Variants in HERC3 observed in about 807,000 individuals in gnomAD.
HERC3 encodes the protein probable E3 ubiquitin-protein ligase HERC3.
In HERC3, 58 loss-of-function variants were observed where a neutral mutation model predicts 129.9. The ratio of observed to expected loss-of-function variants is 0.45; its 90% CI spans 0.36 to 0.56. The LOEUF (loss-of-function observed/expected upper bound fraction) is 0.56, where lower values mean the gene tolerates loss of function less well. Among genes scored for constraint, HERC3 ranks in the 20% least tolerant of loss-of-function variants. HERC3 has a pLI of 0.00. For synonymous variants in HERC3, 430 were observed against 451.0 expected (o/e 0.95, Z 0.59); for missense variants, 835 against 1,244.2 (o/e 0.67, Z 4.95).
the HERC3 span, among the ~76,000 whole-genome samples, chr4:88,576,272 T>G: frequency 1.3e-5 from 2 of 152,208 alleles, no homozygotes; most frequent in African/African-American, 4.8e-5. Flanking sequence ...CCTTCCACCC[T>G]TGCCGTCTTT....
chr4:88,697,323 G>A lies in HERC3; in HGVS notation c.2658-6775G>A, dbSNP rs1455197101. ...CTTCCCCCTCCTCCTCGTCATCCTC[G>A]TACTCCTCTTCCTCCTCCTCCTCCC... On this transcript the variant is annotated intron_variant, in intron 23 of 25. Transcript: ENST00000402738. The A allele has an allele frequency of 3.1e-6, 5 of 1,612,080 alleles. No homozygotes were observed. The African/African-American group carries it at 4.0e-5, about 13-fold the overall frequency.
In HERC3 at chr4:88,690,270, A is replaced by G. The variant is rs1019670681; in HGVS notation, c.2657+2971A>G. On this transcript the variant is annotated intron_variant, in intron 23 of 25. Transcript: ENST00000402738. ...TTAATAAGACCAGGCTTTTTATTCC[A>G]TATAGTCAGATAATGTTTTTAGAAT... is the stretch of plus-strand genomic sequence containing the variant. 9.2e-6 allele frequency: 9 copies of G among 978,348 alleles called. No homozygotes were observed. In the East Asian group the frequency reaches 1.0e-3, roughly 112 times the overall value. 60.6% of individuals were successfully genotyped at this position (978,348 alleles called of 1,614,324 possible). A position where few individuals can be genotyped will look rare whatever the true frequency, so the allele number is the denominator to read the frequency against.
chr4:88,702,276 T>C (rs1735388499), intron 23 of HERC3, among the ~76,000 whole-genome samples: 1 of 152,220 alleles, frequency 6.6e-6, no homozygotes, highest in Non-Finnish European at 1.5e-5. Context: ...TAAGCACTCT[T>C]ACATGTATTC....
intron 2 of HERC3, among the ~76,000 whole-genome samples, chr4:88,604,830 A>T (rs1723439047): frequency 1.3e-5 from 2 of 152,196 alleles, no homozygotes; most frequent in South Asian, 2.1e-4. Flanking sequence ...CTTTTCAGGA[A>T]CTGCCAGACA....
At chr4:88,567,523 C>A in the HERC3 span, among the ~76,000 whole-genome samples, 2 of 152,042 alleles carry the variant, frequency 1.3e-5, no homozygotes, top group Non-Finnish European at 2.9e-5. Context: ...AATAGGCTGT[C>A]TTTAAACTCA....
the HERC3 span, among the ~76,000 whole-genome samples, chr4:88,540,069 A>G: frequency 1.3e-5 from 2 of 152,244 alleles, no homozygotes; most frequent in South Asian, 2.1e-4. Context: ...GCAACAGAAC[A>G]AAACTGGACA....
At chr4:88,647,711 G>A (rs942918029) in intron 3 of HERC3, among the ~76,000 whole-genome samples, 2 of 151,752 alleles carry the variant, frequency 1.3e-5, no homozygotes, top group Middle Eastern at 3.4e-3. Context: ...TGTTTTGAAG[G>A]AATATATTTA....
chr4:88,655,916 A>G lies in HERC3; in HGVS notation c.950A>G (p.Tyr317Cys), dbSNP rs759601114. 5.6e-6 allele frequency: 9 copies of G among 1,614,046 alleles called. No individual in the cohort carries two copies. Among genetic ancestry groups the G allele is most frequent in the South Asian group, 1.1e-5 (1 of 91,080 alleles). Residue 317 changes from tyrosine (Y) to cysteine (C), a missense_variant, in exon 9 of 26, where the codon TAT (tyrosine) becomes TGT (cysteine). Physicochemically the swap from Tyr to Cys is radical, Grantham distance 194. Coordinates refer to ENST00000402738, the MANE Select transcript of HERC3 (RefSeq NM_014606.3). ...LAFVPSSGLI[Y>C]AFGCGARGQL... ...TTCGTGCCTTCTTCTGGACTCATCTATGCATTTGGTTGTGGAGCAAGAGGT... is the reference window on the plus strand; with the variant it reads ...TTCGTGCCTTCTTCTGGACTCATCTGTGCATTTGGTTGTGGAGCAAGAGGT...
intron 3 of HERC3, among the ~76,000 whole-genome samples, chr4:88,620,431 A>G (rs781167673): frequency 5.9e-5 from 9 of 152,182 alleles, no homozygotes; most frequent in Non-Finnish European, 1.0e-4. Flanking sequence ...TTCAGGCCAA[A>G]AACCTTGGAG....
upstream of HERC3, among the ~76,000 whole-genome samples, chr4:88,590,374 C>T (rs1417678135): frequency 6.6e-6 from 1 of 152,114 alleles, no homozygotes; most frequent in African/African-American, 2.4e-5. Context: ...TCCTGGCTAA[C>T]ATGGTGAAAC....
the HERC3 span, among the ~76,000 whole-genome samples, chr4:88,555,718 G>T: frequency 2.0e-5 from 3 of 152,158 alleles, no homozygotes; most frequent in African/African-American, 4.8e-5. Context: ...TTACTATTTT[G>T]TATGACAATG....
At chr4:88,700,707 G>T (rs905046974) in intron 23 of HERC3, among the ~76,000 whole-genome samples, 6 of 151,950 alleles carry the variant, frequency 3.9e-5, no homozygotes, top group African/African-American at 1.5e-4. Flanking sequence ...CGAGGGGGGT[G>T]GGGGCAAGGA....
At chr4:88,552,588 C>CT in the HERC3 span, among the ~76,000 whole-genome samples, 3 of 152,164 alleles carry the variant, frequency 2.0e-5, no homozygotes, top group Non-Finnish European at 4.4e-5. Context: ...CTGATGGGCA[C>CT]TTTTAAGGAT....
At chr4:88,616,789 C>T (rs1319218278) in intron 3 of HERC3, among the ~76,000 whole-genome samples, 1 of 152,156 alleles carries the variant, frequency 6.6e-6, no homozygotes, top group African/African-American at 2.4e-5. Flanking sequence ...TTTATCATCT[C>T]ACATGAGAAG....
intron 3 of HERC3, among the ~76,000 whole-genome samples, chr4:88,609,346 A>G (rs1167356518): frequency 1.3e-5 from 2 of 152,222 alleles, no homozygotes; most frequent in Non-Finnish European, 2.9e-5. Flanking sequence ...AATGGGGATT[A>G]TAATACTCTT....
chr4:88,700,768 C>T (rs766159899), intron 23 of HERC3, among the ~76,000 whole-genome samples: 21 of 152,196 alleles, frequency 1.4e-4, no homozygotes, highest in Middle Eastern at 3.4e-3. Context: ...CTGTCAAACC[C>T]GAAATCTGCA....
chr4:88,698,144 C>T (rs1734870347), intron 23 of HERC3, among the ~76,000 whole-genome samples: 2 of 152,266 alleles, frequency 1.3e-5, no homozygotes, highest in South Asian at 2.1e-4. Flanking sequence ...GTGCTCCTCA[C>T]CCCCATCCAG....
intron 23 of HERC3, 130 bp downstream of exon 23, chr4:88,687,429 G>A: frequency 2.4e-6 from 1 of 424,658 alleles, no homozygotes; most frequent in Non-Finnish European, 4.2e-6. Flanking sequence ...AGGGTGATAG[G>A]GCAATAATTT....
At chr4:88,581,358 T>C in the HERC3 span, among the ~76,000 whole-genome samples, 1 of 151,904 alleles carries the variant, frequency 6.6e-6, no homozygotes, top group Non-Finnish European at 1.5e-5. Flanking sequence ...TGGAGTGCAA[T>C]GGCATGATCT....
Sources: gnomAD v4.1 joint callset for allele counts (sites outside exome capture counted in the v4.1 genomes callset) on GRCh38, gnomAD v4.1.1 for gene constraint, MANE v1.5 for transcripts, NCBI Gene and HGNC (gene_info 2026-07-23, HGNC 2026-07-21) for gene names.